Variants in OSBPL2 observed in about 807,000 individuals in gnomAD.
The protein encoded by OSBPL2 is oxysterol binding protein like 2.
Under a neutral mutation model 58.4 loss-of-function variants are expected in OSBPL2, and 18 were observed. The observed-to-expected ratio is 0.31, with a 90% CI of 0.21 to 0.46. The LOEUF is 0.46. OSBPL2 is among the 20% of genes least tolerant of loss of function. The probability of loss-of-function intolerance (pLI) is 1.00; values close to 1 mark genes in which losing one functional copy is unlikely to be tolerated. For missense variants in OSBPL2, 461 were observed against 616.5 expected (o/e 0.75, Z 2.67); for synonymous variants, 221 against 234.1 (o/e 0.94, Z 0.51).
At chr20:62,286,449 GAAAA>G in intron 10 of OSBPL2, 130 bp from the exon 11 acceptor site, 6 of 819,544 alleles carry the variant, frequency 7.3e-6, no homozygotes, top group Non-Finnish European at 9.2e-6. Context: ...GACTCCGTCT[GAAAA>G]AAAAAAAAAG....
At chr20:62,248,155 C>CTTTTT (rs11470491) in intron 1 of OSBPL2, among the ~76,000 whole-genome samples, 16 of 118,848 alleles carry the variant, frequency 1.3e-4, no homozygotes, top group African/African-American at 3.2e-4. Context: ...CTTTTCTTTT[C>CTTTTT]TTTTTTTTTT....
At chr20:62,268,404 G>A (rs1981832149) in intron 4 of OSBPL2, among the ~76,000 whole-genome samples, 1 of 151,984 alleles carries the variant, frequency 6.6e-6, no homozygotes, top group Non-Finnish European at 1.5e-5. Context: ...GTCCCCTCCT[G>A]GTGCTCTCTG....
chr20:62,279,001 G>A, intron 6 of OSBPL2, 156 bp from the exon 7 acceptor site: 2 of 614,988 alleles, frequency 3.3e-6, no homozygotes, highest in South Asian at 4.1e-5. Flanking sequence ...CAAGTGCAAT[G>A]TCGGAGAGGT....
intron 4 of OSBPL2, among the ~76,000 whole-genome samples, chr20:62,264,468 G>T (rs1216698524): frequency 6.6e-6 from 1 of 152,176 alleles, no homozygotes; most frequent in Non-Finnish European, 1.5e-5. Context: ...CTGGGCCAGC[G>T]CTTGATGCCT....
At chr20:62,254,081 A>C (rs1194066137) in intron 1 of OSBPL2, among the ~76,000 whole-genome samples, 2 of 152,188 alleles carry the variant, frequency 1.3e-5, no homozygotes, top group Non-Finnish European at 2.9e-5. Context: ...TACAGGCGTG[A>C]GCCAACACGC....
intron 10 of OSBPL2, chr20:62,284,597 A>C: frequency 1.2e-5 from 2 of 169,372 alleles, no homozygotes; most frequent in Non-Finnish European, 2.6e-5. Flanking sequence ...CTGGTCTTGA[A>C]CTCCTGGGCT....
At chr20:62,260,151 C>G in intron 3 of OSBPL2, 26 bp downstream of exon 3, 1 of 1,608,676 alleles carries the variant, frequency 6.2e-7, no homozygotes, top group South Asian at 1.1e-5. Flanking sequence ...TCTGCTGTTT[C>G]TAAAATGTGT....
At chr20:62,277,423 G>A (rs1164976047) in intron 6 of OSBPL2, among the ~76,000 whole-genome samples, 1 of 152,242 alleles carries the variant, frequency 6.6e-6, no homozygotes, top group Admixed American at 6.5e-5. Context: ...CTGCTGCACA[G>A]CCAGAAGCAA....
At chr20:62,285,227 G>C (rs1983037874) in intron 10 of OSBPL2, 1 of 152,184 alleles carries the variant, frequency 6.6e-6, no homozygotes, top group East Asian at 1.9e-4. Context: ...GGAAAATTCT[G>C]CTTACACACT....
At chr20:62,261,335 AAG>A (rs1491264066) in intron 3 of OSBPL2, among the ~76,000 whole-genome samples, 2 of 151,368 alleles carry the variant, frequency 1.3e-5, no homozygotes, top group Non-Finnish European at 2.9e-5. Flanking sequence ...AAAAAAAAAA[AAG>A]GCACAAAGGC....
Position 62,291,642 on chromosome 20 carries a change from G to C in OSBPL2, c.1250-61G>C, listed in dbSNP as rs1044971062. On this transcript the variant is annotated intron_variant, in intron 12 of 13. Coordinates refer to ENST00000313733, the MANE Select transcript of OSBPL2 (RefSeq NM_144498.4). ...GCCAACTAGAGATCTAGGTGCATAGGGGGTGGCGGGGTGCGGTTCTAAGGT... is the reference window on the plus strand; with the variant it reads ...GCCAACTAGAGATCTAGGTGCATAGCGGGTGGCGGGGTGCGGTTCTAAGGT... 26 of 1,350,418 alleles carry C rather than the reference G, an allele frequency of 1.9e-5. 1 individual carries two copies. The highest frequency in any genetic ancestry group is 1.7e-4 in the Admixed American group (10 of 59,568). The allele number at this position is 1,350,418 out of a possible 1,614,324, so 83.7% of individuals were successfully genotyped here.
intron 10 of OSBPL2, 108 bp downstream of exon 10, chr20:62,284,277 C>A: frequency 7.6e-7 from 1 of 1,313,548 alleles, no homozygotes; most frequent in African/African-American, 1.5e-5. Flanking sequence ...CCTTTGGGCC[C>A]CACCAGGAGA....
intron 1 of OSBPL2, among the ~76,000 whole-genome samples, chr20:62,241,567 C>T (rs1254612238): frequency 6.6e-6 from 1 of 152,270 alleles, no homozygotes; most frequent in Non-Finnish European, 1.5e-5. Context: ...CGTGCAGGCA[C>T]AGCTGGCGCC....
intron 4 of OSBPL2, among the ~76,000 whole-genome samples, chr20:62,266,503 C>A (rs1031528571): frequency 1.7e-4 from 25 of 151,422 alleles, no homozygotes; most frequent in African/African-American, 5.6e-4. Context: ...GTTCTGGATC[C>A]GCAGTGATTG....
At chr20:62,244,403 G>A (rs1979951917) in intron 1 of OSBPL2, among the ~76,000 whole-genome samples, 1 of 152,204 alleles carries the variant, frequency 6.6e-6, no homozygotes, top group Non-Finnish European at 1.5e-5. Context: ...GACTGCTGCT[G>A]CCCTTGGAGT....
intron 1 of OSBPL2, among the ~76,000 whole-genome samples, chr20:62,244,684 G>A (rs1197632995): frequency 6.6e-6 from 1 of 152,250 alleles, no homozygotes. Flanking sequence ...TATTCCACAG[G>A]AAGCAGTTAA....
chr20:62,244,175 A>G (rs552524379), intron 1 of OSBPL2, among the ~76,000 whole-genome samples: 2 of 152,200 alleles, frequency 1.3e-5, no homozygotes, highest in African/African-American at 4.8e-5. Flanking sequence ...CTGCAGGACA[A>G]CAGCCTCTCA....
intron 2 of OSBPL2, 92 bp downstream of exon 2, chr20:62,256,313 C>A: frequency 8.6e-7 from 1 of 1,157,402 alleles, no homozygotes; most frequent in Non-Finnish European, 1.3e-6. Flanking sequence ...TGTAAAGATG[C>A]TCAGTAAAGC....
chr20:62,293,932 T>C lies in OSBPL2; in HGVS notation c.*45T>C, dbSNP rs377191201. ...GCCCGGGACCGGAGGCTGACGAGGC[T>C]GGACTTCCTCGAGTGGCCACTGTGA... On this transcript the variant is annotated 3_prime_UTR_variant, in exon 14 of 14. Coordinates refer to ENST00000313733, the MANE Select transcript of OSBPL2 (RefSeq NM_144498.4). 1.9e-6 allele frequency: 3 copies of C among 1,600,154 alleles called. No homozygotes were observed. Among genetic ancestry groups the C allele is most frequent in the African/African-American group, 2.7e-5 (2 of 74,316 alleles).
Sources: allele counts gnomAD v4.1 joint callset (sites outside exome capture counted in the v4.1 genomes callset), GRCh38; gene constraint gnomAD v4.1.1; transcripts MANE v1.5; gene names NCBI Gene and HGNC (gene_info 2026-07-23, HGNC 2026-07-21).